SLC1A7: variants seen among roughly 807,000 people sequenced by gnomAD.
The protein encoded by SLC1A7 is excitatory amino acid transporter 5.
SLC1A7 carries 40 observed loss-of-function variants against 47.7 expected under a neutral mutation model. The ratio of observed to expected loss-of-function variants is 0.84; its 90% CI spans 0.65 to 1.09. The LOEUF is 1.09. Among genes scored for constraint, SLC1A7 ranks in the 50% least tolerant of loss-of-function variants. The pLI, the probability that SLC1A7 is intolerant of heterozygous loss-of-function variation, is 0.00. For missense variants in SLC1A7, 746 were observed against 769.5 expected (o/e 0.97, Z 0.36); for synonymous variants, 323 against 325.6 (o/e 0.99, Z 0.09).
intron 3 of SLC1A7, chr1:53,114,543 AG>A (rs1310523732): frequency 1.9e-5 from 11 of 584,170 alleles, no homozygotes; most frequent in Non-Finnish European, 3.1e-5. Context: ...ACAGGCAGAG[AG>A]GGGCAGACCC....
In SLC1A7 at chr1:53,134,417, A is replaced by C. The variant is rs1259936710; in HGVS notation, c.148T>G (p.Phe50Val). 6 of 1,611,414 alleles carry C rather than the reference A, an allele frequency of 3.7e-6. No individual in the cohort carries two copies. In the Admixed American group the frequency reaches 1.0e-4, roughly 27 times the overall value. The change falls in exon 2 of 11, where the codon TTC (phenylalanine) becomes GTC (valine). Residue 50 changes from phenylalanine (F) to valine (V), a missense_variant. Physicochemically the swap from Phe to Val is conservative, Grantham distance 50. Transcript: ENST00000371494. ...RRLSPQEISY[F>V]QFPGELLMRM... The stretch of plus-strand genomic sequence containing the variant: ...ATCAGGAGCTCTCCAGGGAACTGGA[A>C]GTAACTAATTTCCTGAAAACACAGT...
Position 53,092,573 on chromosome 1 carries a change from C to A in SLC1A7, c.1012G>T (p.Ala338Ser), listed in dbSNP as rs139408633. ...GGCTACCTGGAGGAGGTGGCCAGCG[C>A]GATGAGCAGAGCCTGCAGGATGCCA... is the stretch of plus-strand genomic sequence containing the variant. Reference protein sequence around the residue: ...IRGILQALLIALATSSSSATL... With the variant: ...IRGILQALLISLATSSSSATL... The change falls in exon 7 of 11, where the codon GCG becomes TCG. Residue 338 changes from alanine to serine, a missense_variant. Transcript: ENST00000371494. 2 of 1,613,912 alleles carry A rather than the reference C, an allele frequency of 1.2e-6. No homozygotes were observed. Among genetic ancestry groups the A allele is most frequent in the South Asian group, 1.1e-5 (1 of 91,074 alleles).
At chr1:53,123,898 G>T (rs192041311) in intron 2 of SLC1A7, among the ~76,000 whole-genome samples, 1 of 152,276 alleles carries the variant, frequency 6.6e-6, no homozygotes, top group East Asian at 1.9e-4. Context: ...AGTGGAGCTC[G>T]CCAAACTGTG....
At chr1:53,090,554 GAATCCCCA>G in intron 8 of SLC1A7, 50 bp downstream of exon 8, 1 of 1,478,596 alleles carries the variant, frequency 6.8e-7, no homozygotes, top group African/African-American at 1.4e-5. Context: ...GGGAGCCTGG[GAATCCCCA>G]AGGCCCCCAG....
rs59461057 is a variant in SLC1A7 at position 53,089,326 on chromosome 1, G to C, written c.1362-347C>G. On this transcript the variant is annotated intron_variant, in intron 9 of 10. Coordinates refer to ENST00000371494, the MANE Select transcript of SLC1A7 (RefSeq NM_006671.6). ...GTCACTCAGGCTGGAGTGCAGTGGC[G>C]CCATCTCGGCTTACTGAAACCTCCA... 3.3e-3 allele frequency among the ~76,000 whole-genome samples: 508 copies of C among 152,174 alleles called. 2 individuals carry two copies. Among genetic ancestry groups the C allele is most frequent in the African/African-American group, 0.012 (486 of 41,528 alleles).
At position 53,134,378 on chromosome 1, in the gene SLC1A7, T is replaced by C. The variant is rs1381007581; in HGVS notation, c.187A>G (p.Met63Val). 6.2e-7 allele frequency: 1 copy of C among 1,613,520 alleles called. No individual in the cohort carries two copies. The highest frequency in any genetic ancestry group is 1.7e-5 in the Admixed American group (1 of 59,944). ...GAGACCACCAGTGGCAGGATCATCA[T>C]CTTCAGCATCCTCATCAGGAGCTCT... is the stretch of plus-strand genomic sequence containing the variant. ...PGELLMRMLK[M>V]MILPLVVSSL... Residue 63 changes from methionine to valine, a missense_variant, in exon 2 of 11, where the codon ATG becomes GTG. Coordinates refer to ENST00000371494, the MANE Select transcript of SLC1A7 (RefSeq NM_006671.6).
chr1:53,139,902 G>C (rs1047099568), intron 1 of SLC1A7, among the ~76,000 whole-genome samples: 1 of 152,046 alleles, frequency 6.6e-6, no homozygotes, highest in Non-Finnish European at 1.5e-5. Flanking sequence ...GGTTTAACTG[G>C]AAGTCTCAAA....
At chr1:53,096,313 AC>A (rs1644489826) in intron 5 of SLC1A7, among the ~76,000 whole-genome samples, 1 of 137,234 alleles carries the variant, frequency 7.3e-6, no homozygotes, top group African/African-American at 2.8e-5. Context: ...CGGTAAACTC[AC>A]CCCATCTTGG....
chr1:53,135,391 G>A (rs1644981773), intron 1 of SLC1A7, among the ~76,000 whole-genome samples: 2 of 152,190 alleles, frequency 1.3e-5, no homozygotes, highest in South Asian at 4.1e-4. Context: ...TCTGTTTTGG[G>A]TCCATTCTCT....
rs1431900269 is a variant in SLC1A7 at position 53,087,297 on chromosome 1, C to G, written c.*712G>C. ...TTTGGGGAGTTCTGACACCAGGGCC[C>G]CATCGGCAGCTCCACCAGAGCATCC... On this transcript the variant is annotated 3_prime_UTR_variant, in exon 11 of 11. Coordinates refer to ENST00000371494, the MANE Select transcript of SLC1A7 (RefSeq NM_006671.6). The G allele has an allele frequency of 6.6e-6, 1 of 152,272 alleles. No homozygotes were observed. The highest frequency in any genetic ancestry group is 1.5e-5 in the Non-Finnish European group (1 of 68,054). The allele number at this position is 152,272 out of a possible 1,614,324, so 9.4% of individuals were successfully genotyped here.
intron 3 of SLC1A7, chr1:53,108,385 TA>T: frequency 1.7e-6 from 1 of 596,370 alleles, no homozygotes; most frequent in South Asian, 2.1e-5. Flanking sequence ...ACAATCATTT[TA>T]AATGTGGGCC....
intron 2 of SLC1A7, among the ~76,000 whole-genome samples, chr1:53,122,347 C>A (rs1321664354): frequency 1.3e-5 from 2 of 152,202 alleles, no homozygotes; most frequent in Non-Finnish European, 2.9e-5. Context: ...CTGGCCTTGG[C>A]TGACCTAGCC....
chr1:53,120,568 C>T (rs1322634995), intron 2 of SLC1A7, among the ~76,000 whole-genome samples: 1 of 152,230 alleles, frequency 6.6e-6, no homozygotes, highest in African/African-American at 2.4e-5. Context: ...TGGAACTCTC[C>T]ATCCACCATC....
chr1:53,120,980 TC>T (rs1393304139), intron 2 of SLC1A7, among the ~76,000 whole-genome samples: 1 of 152,246 alleles, frequency 6.6e-6, no homozygotes, highest in Admixed American at 6.5e-5. Context: ...TGCCTCAGTT[TC>T]CACTGAGGAT....
chr1:53,092,425 C>T (rs1421421779), intron 7 of SLC1A7, 129 bp downstream of exon 7: 2 of 703,276 alleles, frequency 2.8e-6, no homozygotes, highest in Non-Finnish European at 4.9e-6. Flanking sequence ...ACCAGCCGTC[C>T]CCGCATTTGT....
chr1:53,105,501 C>A (rs758534784), intron 4 of SLC1A7, among the ~76,000 whole-genome samples: 1 of 152,146 alleles, frequency 6.6e-6, no homozygotes, highest in Non-Finnish European at 1.5e-5. Flanking sequence ...GGCTTCTCTC[C>A]ACCCCCACAC....
Position 53,087,686 on chromosome 1 carries a change from T to G in SLC1A7, c.*323A>C, listed in dbSNP as rs1572286991. 4.6e-6 allele frequency: 1 copy of G among 219,646 alleles called. No homozygotes were observed. The highest frequency in any genetic ancestry group is 8.6e-5 in the East Asian group (1 of 11,632). The allele number at this position is 219,646 out of a possible 1,614,324, so 13.6% of individuals were successfully genotyped here. ...GAGACCTTGGACAAGTGTTTTCAGC[T>G]CTCAGAGCCTCAAGTCTGTCATCCA... is the stretch of plus-strand genomic sequence containing the variant. On this transcript the variant is annotated 3_prime_UTR_variant, in exon 11 of 11. Coordinates refer to ENST00000371494, the MANE Select transcript of SLC1A7 (RefSeq NM_006671.6).
intron 3 of SLC1A7, among the ~76,000 whole-genome samples, chr1:53,106,734 A>G (rs1368832497): frequency 1.3e-5 from 2 of 152,256 alleles, no homozygotes; most frequent in African/African-American, 2.4e-5. Context: ...TGTTTCACAA[A>G]TCAGTGAGGA....
In SLC1A7 at chr1:53,087,792, A is replaced by C; in HGVS notation, c.*217T>G. The C allele has an allele frequency of 8.1e-6, 3 of 372,562 alleles. No individual in the cohort carries two copies. Among genetic ancestry groups the C allele is most frequent in the Non-Finnish European group, 1.4e-5 (3 of 208,832 alleles). The allele number at this position is 372,562 out of a possible 1,614,324, so 23.1% of individuals were successfully genotyped here. A position where few individuals can be genotyped will look rare whatever the true frequency, so the allele number is the denominator to read the frequency against. On this transcript the variant is annotated 3_prime_UTR_variant, in exon 11 of 11. Coordinates refer to ENST00000371494, the MANE Select transcript of SLC1A7 (RefSeq NM_006671.6). ...AACTGTCACAGCGGGGCCTCAGGCA[A>C]TGCCGGGCCCATCACTCCCTAGATG...
Sources: gnomAD v4.1 joint callset for allele counts (sites outside exome capture counted in the v4.1 genomes callset) on GRCh38, gnomAD v4.1.1 for gene constraint, MANE v1.5 for transcripts, NCBI Gene and HGNC (gene_info 2026-07-23, HGNC 2026-07-21) for gene names.